RSRC1: variants seen among roughly 807,000 people sequenced by gnomAD.
RSRC1 encodes serine/Arginine-related protein 53.
Under a neutral mutation model 49.1 loss-of-function variants are expected in RSRC1, and 39 were observed. The observed-to-expected ratio is 0.79, with a 90% confidence interval of 0.61 to 1.04. RSRC1 has a LOEUF of 1.04. Among genes scored for constraint, RSRC1 ranks in the 50% least tolerant of loss-of-function variants. The probability of loss-of-function intolerance (pLI) is 0.00; values close to 1 mark genes in which losing one functional copy is unlikely to be tolerated. For synonymous variants in RSRC1, 143 were observed against 130.8 expected, an observed-to-expected ratio of 1.09 and a Z score of -0.63; for missense variants, 388 against 402.4, an observed-to-expected ratio of 0.96 and a Z score of 0.31.
intron 6 of RSRC1, among the ~76,000 whole-genome samples, chr3:158,445,222 C>T (rs148472044): frequency 8.3e-4 from 127 of 152,220 alleles, no homozygotes; most frequent in Middle Eastern, 3.4e-3. Context: ...TATTGCGGCA[C>T]TATTCACAAT....
intron 7 of RSRC1, among the ~76,000 whole-genome samples, chr3:158,464,634 A>G (rs1737786582): frequency 6.6e-6 from 1 of 152,166 alleles, no homozygotes; most frequent in Non-Finnish European, 1.5e-5. Context: ...AGTAAAATAT[A>G]TTAGCCTTAA....
At chr3:158,467,912 C>A (rs1737958074) in intron 7 of RSRC1, among the ~76,000 whole-genome samples, 1 of 152,176 alleles carries the variant, frequency 6.6e-6, no homozygotes. Flanking sequence ...TCCATTTGAT[C>A]ATATTATTAC....
At chr3:158,522,265 C>T (rs1711719358) in intron 7 of RSRC1, among the ~76,000 whole-genome samples, 1 of 152,020 alleles carries the variant, frequency 6.6e-6, no homozygotes, top group Non-Finnish European at 1.5e-5. Flanking sequence ...ACAGCTTGGC[C>T]AACTGTATTT....
chr3:158,215,588 G>A (rs1721905628), intron 4 of RSRC1, among the ~76,000 whole-genome samples: 1 of 151,262 alleles, frequency 6.6e-6, no homozygotes, highest in East Asian at 1.9e-4. Flanking sequence ...ATTTTTATGG[G>A]TTGTTTGGAC....
At chr3:158,274,755 C>T (rs1725710824) in intron 4 of RSRC1, among the ~76,000 whole-genome samples, 1 of 152,110 alleles carries the variant, frequency 6.6e-6, no homozygotes, top group Non-Finnish European at 1.5e-5. Flanking sequence ...AGTGGACACA[C>T]AAGTGATGGC....
intron 6 of RSRC1, among the ~76,000 whole-genome samples, chr3:158,426,647 T>C (rs1203199598): frequency 6.6e-6 from 1 of 151,760 alleles, no homozygotes; most frequent in Non-Finnish European, 1.5e-5. Flanking sequence ...GTTTGAAATA[T>C]CCTTTTTAAA....
At chr3:158,240,340 A>T (rs964444067) in intron 4 of RSRC1, among the ~76,000 whole-genome samples, 1 of 152,114 alleles carries the variant, frequency 6.6e-6, no homozygotes, top group African/African-American at 2.4e-5. Context: ...GATTTTTTAG[A>T]AAATTTACAT....
At chr3:158,229,763 C>T (rs542424034) in intron 4 of RSRC1, among the ~76,000 whole-genome samples, 17 of 111,174 alleles carry the variant, frequency 1.5e-4, no homozygotes, top group Admixed American at 5.6e-4. Flanking sequence ...TTTGCTTTAT[C>T]AAATTCTCTT....
chr3:158,119,341 C>T (rs915910331), intron 1 of RSRC1, among the ~76,000 whole-genome samples: 2 of 152,178 alleles, frequency 1.3e-5, no homozygotes, highest in Non-Finnish European at 2.9e-5. Context: ...GTGTTTTTCA[C>T]TTGCCAAAAG....
intron 5 of RSRC1, among the ~76,000 whole-genome samples, chr3:158,339,324 A>T (rs1730101545): frequency 6.9e-6 from 1 of 144,014 alleles, no homozygotes; most frequent in Non-Finnish European, 1.5e-5. Flanking sequence ...AAAAAAAAAA[A>T]TGATACTAAT....
chr3:158,173,103 C>T (rs1277564814), intron 3 of RSRC1, among the ~76,000 whole-genome samples: 1 of 151,972 alleles, frequency 6.6e-6, no homozygotes, highest in East Asian at 1.9e-4. Context: ...TGATTATTTA[C>T]ATATACACAT....
chr3:158,334,217 T>C (rs1219648685), intron 5 of RSRC1, among the ~76,000 whole-genome samples: 1 of 152,178 alleles, frequency 6.6e-6, no homozygotes, highest in Admixed American at 6.5e-5. Flanking sequence ...CTTTTCATTT[T>C]AGAAAAAATT....
intron 4 of RSRC1, among the ~76,000 whole-genome samples, chr3:158,254,891 C>T (rs1004654440): frequency 1.1e-4 from 17 of 152,252 alleles, no homozygotes; most frequent in South Asian, 6.2e-4. Context: ...TATTCATATC[C>T]TCTACCCACT....
rs533033196 is a variant in RSRC1 at position 158,441,230 on chromosome 3, C to G, written c.584-19705C>G. ...GTATCTTTACTTTCTGACTTCTTGG[C>G]AGTATTCATTGAGTCATATATTAAG... On this transcript the variant is annotated intron_variant, in intron 6 of 9. Transcript: ENST00000611884. Among the ~76,000 whole-genome samples the G allele has an allele frequency of 3.5e-4, 53 of 152,080 alleles. No individual in the cohort carries two copies. In the South Asian group the frequency reaches 3.9e-3, roughly 11 times the overall value.
chr3:158,422,510 A>G (rs1735135615), intron 6 of RSRC1, among the ~76,000 whole-genome samples: 1 of 150,894 alleles, frequency 6.6e-6, no homozygotes, highest in African/African-American at 2.4e-5. Context: ...AGTCTTTGCT[A>G]TTGTGAATAA....
At chr3:158,138,393 A>G (rs1178933888) in intron 3 of RSRC1, among the ~76,000 whole-genome samples, 1 of 152,206 alleles carries the variant, frequency 6.6e-6, no homozygotes, top group Non-Finnish European at 1.5e-5. Context: ...TTGTTTTGGC[A>G]GTACCAAATT....
intron 6 of RSRC1, among the ~76,000 whole-genome samples, chr3:158,412,110 A>G (rs771089872): frequency 1.9e-4 from 29 of 152,128 alleles, no homozygotes; most frequent in Non-Finnish European, 3.1e-4. Flanking sequence ...CTTAATTTCC[A>G]ATTCGCCTAA....
chr3:158,418,863 C>G lies in RSRC1; in HGVS notation c.584-42072C>G, dbSNP rs552222765. On this transcript the variant is annotated intron_variant, in intron 6 of 9. Transcript: ENST00000611884. The stretch of plus-strand genomic sequence containing the variant: ...AAAAGTAGCTTCCCAGAGAAGTGAC[C>G]GAGATTAATCTGTTCATTTGGTTAA... Among the ~76,000 whole-genome samples, 17 of 151,896 alleles carry G rather than the reference C, an allele frequency of 1.1e-4. No homozygotes were observed. In the South Asian group the frequency reaches 2.7e-3, roughly 24 times the overall value.
At chr3:158,335,341 A>G (rs1729825499) in intron 5 of RSRC1, among the ~76,000 whole-genome samples, 1 of 152,146 alleles carries the variant, frequency 6.6e-6, no homozygotes, top group Non-Finnish European at 1.5e-5. Flanking sequence ...CATGAGTGAA[A>G]GCAGAGGGAG....
Sources: gnomAD v4.1 joint callset for allele counts (sites outside exome capture counted in the v4.1 genomes callset) on GRCh38, gnomAD v4.1.1 for gene constraint, MANE v1.5 for transcripts, NCBI Gene and HGNC (gene_info 2026-07-23, HGNC 2026-07-21) for gene names.